The following CRPPA variants were observed in gnomAD, a reference collection of about 807,000 sequenced individuals.
The protein encoded by CRPPA is D-ribitol-5-phosphate cytidylyltransferase.
CRPPA carries 43 observed loss-of-function variants against 52.0 expected under a neutral mutation model. The observed-to-expected ratio is 0.83, with a 90% CI of 0.65 to 1.07. CRPPA has a LOEUF of 1.07. CRPPA is among the 50% of genes least tolerant of loss of function. The probability of loss-of-function intolerance (pLI) is 0.00; values close to 1 mark genes in which losing one functional copy is unlikely to be tolerated. For synonymous variants in CRPPA, 250 were observed against 203.5 expected (o/e 1.23, Z -1.94); for missense variants, 629 against 551.7 (o/e 1.14, Z -1.40).
intron 3 of CRPPA, among the ~76,000 whole-genome samples, chr7:16,320,681 G>A (rs530060552): frequency 6.6e-6 from 1 of 152,244 alleles, no homozygotes; most frequent in East Asian, 1.9e-4. Flanking sequence ...AATGTTTCAA[G>A]TAGAAACAAA....
intron 8 of CRPPA, among the ~76,000 whole-genome samples, chr7:16,238,324 C>T (rs773192975): frequency 6.6e-6 from 1 of 152,046 alleles, no homozygotes. Flanking sequence ...ATTAAGTAAT[C>T]TATTAGGTAA....
intron 2 of CRPPA, among the ~76,000 whole-genome samples, chr7:16,400,931 CT>C (rs1787800301): frequency 6.6e-6 from 1 of 152,178 alleles, no homozygotes; most frequent in South Asian, 2.1e-4. Context: ...GCTTTTATGC[CT>C]TGTCTCCATG....
Position 16,119,578 on chromosome 7 carries a change from A to ATG in CRPPA, c.1252-27781_1252-27780dup, listed in dbSNP as rs557260465. On this transcript the variant is annotated intron_variant, in intron 9 of 9. Coordinates refer to ENST00000407010, the MANE Select transcript of CRPPA (RefSeq NM_001101426.4). ...TGGATTAAAAACCAAATGTAACTCT[A>ATG]TGACCTTTATAACAGTCATACCTAA... 3.0e-3 allele frequency among the ~76,000 whole-genome samples: 457 copies of ATG among 152,332 alleles called. 6 individuals are homozygous for ATG. Among genetic ancestry groups the ATG allele is most frequent in the African/African-American group, 0.011 (447 of 41,582 alleles).
At chr7:16,260,703 C>G (rs1783771239) in intron 6 of CRPPA, among the ~76,000 whole-genome samples, 1 of 149,244 alleles carries the variant, frequency 6.7e-6, no homozygotes, top group South Asian at 2.1e-4. Flanking sequence ...AACAAAGATG[C>G]ACAAGTGAAT....
At position 16,406,238 on chromosome 7, in the gene CRPPA, C is replaced by G; in HGVS notation, c.357G>C (p.Leu119=). 4 of 1,613,946 alleles carry G rather than the reference C, an allele frequency of 2.5e-6. No homozygotes were observed. The highest frequency in any genetic ancestry group is 3.4e-6 in the Non-Finnish European group (4 of 1,179,868). ...IQKYQHKRIS[L]VEAGVTRHRS... is the part of the protein sequence containing the mutation. ...TGTGGCGGGTCACTCCAGCTTCGAC[C>G]AGTGAGATGCGTTTATGCTGATACT... The change falls in exon 2 of 10, where the codon CTG becomes CTC. Residue 119 remains leucine, a synonymous_variant. Coordinates refer to ENST00000407010, the MANE Select transcript of CRPPA (RefSeq NM_001101426.4).
At chr7:16,380,044 G>C (rs912242904) in intron 2 of CRPPA, among the ~76,000 whole-genome samples, 7 of 151,178 alleles carry the variant, frequency 4.6e-5, no homozygotes, top group African/African-American at 1.5e-4. Flanking sequence ...GGAGTGGTGA[G>C]AGAGGGCATC....
intron 5 of CRPPA, among the ~76,000 whole-genome samples, chr7:16,298,290 C>T (rs748569718): frequency 4.6e-5 from 7 of 151,998 alleles, no homozygotes; most frequent in Non-Finnish European, 8.8e-5. Context: ...ATATATAGCC[C>T]AAAGGTTTCA....
intron 6 of CRPPA, chr7:16,277,151 G>T (rs973751494): frequency 6.6e-6 from 1 of 151,982 alleles, no homozygotes; most frequent in African/African-American, 2.4e-5. Flanking sequence ...TACAGATAAG[G>T]AAATTAGGAA....
chr7:16,299,562 C>G (rs9886070), intron 5 of CRPPA, among the ~76,000 whole-genome samples: 64 of 152,170 alleles, frequency 4.2e-4, no homozygotes, highest in African/African-American at 1.5e-3. Flanking sequence ...GGCCCCAGAG[C>G]AGTGATCCTC....
intron 4 of CRPPA, among the ~76,000 whole-genome samples, chr7:16,303,066 TG>T (rs1226755112): frequency 6.6e-6 from 1 of 152,202 alleles, no homozygotes; most frequent in Non-Finnish European, 1.5e-5. Flanking sequence ...ACGTTAGCTA[TG>T]TAGGAAAAAA....
chr7:16,097,920 T>C (rs757193842), intron 9 of CRPPA, among the ~76,000 whole-genome samples: 10 of 152,246 alleles, frequency 6.6e-5, no homozygotes, highest in African/African-American at 1.7e-4. Flanking sequence ...CAACTTTATA[T>C]GATGCCCATG....
intron 9 of CRPPA, among the ~76,000 whole-genome samples, chr7:16,097,902 T>C (rs531349378): frequency 6.6e-6 from 1 of 152,210 alleles, no homozygotes; most frequent in Non-Finnish European, 1.5e-5. Context: ...TGCAAGTGTA[T>C]AAGTGGTCAA....
At chr7:16,234,438 TA>T (rs574036739) in intron 8 of CRPPA, among the ~76,000 whole-genome samples, 21 of 152,198 alleles carry the variant, frequency 1.4e-4, no homozygotes, top group African/African-American at 5.1e-4. Flanking sequence ...AATTTTGAAA[TA>T]AAAAACGTTT....
intron 8 of CRPPA, chr7:16,237,270 C>T (rs1056420485): frequency 6.6e-6 from 1 of 152,108 alleles, no homozygotes; most frequent in African/African-American, 2.4e-5. Context: ...ATACCATCGA[C>T]CAGATGGCTT....
chr7:16,342,604 G>C (rs547383979), intron 3 of CRPPA, among the ~76,000 whole-genome samples: 29 of 150,556 alleles, frequency 1.9e-4, no homozygotes, highest in Non-Finnish European at 3.4e-4. Flanking sequence ...CTCATCTCAG[G>C]AATAAATGAG....
chr7:16,358,817 T>C (rs1786370505), intron 3 of CRPPA, among the ~76,000 whole-genome samples: 1 of 152,222 alleles, frequency 6.6e-6, no homozygotes, highest in African/African-American at 2.4e-5. Flanking sequence ...GCATTCAAAA[T>C]GACTCTTCTA....
At chr7:16,145,298 G>A (rs566987849) in intron 9 of CRPPA, among the ~76,000 whole-genome samples, 2 of 152,086 alleles carry the variant, frequency 1.3e-5, no homozygotes, top group East Asian at 1.9e-4. Flanking sequence ...ACAACCATAG[G>A]ACCCCACTCC....
chr7:16,186,112 A>T (rs1456828567), intron 9 of CRPPA, among the ~76,000 whole-genome samples: 1 of 152,232 alleles, frequency 6.6e-6, no homozygotes, highest in African/African-American at 2.4e-5. Flanking sequence ...TAATGCAAGT[A>T]AATTTATCTA....
intron 9 of CRPPA, among the ~76,000 whole-genome samples, chr7:16,176,813 A>G (rs1781308106): frequency 6.6e-6 from 1 of 152,140 alleles, no homozygotes; most frequent in Non-Finnish European, 1.5e-5. Flanking sequence ...TGCTTACTCT[A>G]GAAAAATGGA....
Sources: gnomAD v4.1 joint callset for allele counts (sites outside exome capture counted in the v4.1 genomes callset) on GRCh38, gnomAD v4.1.1 for gene constraint, MANE v1.5 for transcripts, NCBI Gene and HGNC (gene_info 2026-07-23, HGNC 2026-07-21) for gene names.